The following SEPTIN9 variants were observed in gnomAD, a reference collection of about 807,000 sequenced individuals.
The protein encoded by SEPTIN9 is septin-9.
SEPTIN9 carries 13 observed loss-of-function variants against 56.6 expected under a neutral mutation model. That is an observed-to-expected ratio of 0.23 (90% confidence interval 0.15 to 0.37). SEPTIN9 has a LOEUF of 0.37. Ranked by LOEUF, SEPTIN9 falls within the 10% of genes least tolerant of loss-of-function variation. SEPTIN9 has a pLI of 1.00. For missense variants in SEPTIN9, 650 were observed against 823.1 expected (o/e 0.79, Z 2.57); for synonymous variants, 332 against 334.1 (o/e 0.99, Z 0.07).
intron 2 of SEPTIN9, among the ~76,000 whole-genome samples, chr17:77,361,672 G>A (rs2034421686): frequency 6.7e-6 from 1 of 148,386 alleles, no homozygotes; most frequent in African/African-American, 2.5e-5. Context: ...TCGCTCTTTC[G>A]CCCAGGCTGG....
At chr17:77,470,870 T>C (rs2038966628) in intron 3 of SEPTIN9, 2 of 152,284 alleles carry the variant, frequency 1.3e-5, no homozygotes, top group Admixed American at 6.5e-5. Context: ...TGCAGGATTC[T>C]GAGCAGCTCT....
intron 1 of SEPTIN9, among the ~76,000 whole-genome samples, chr17:77,283,874 C>T (rs894050720): frequency 6.6e-6 from 1 of 152,184 alleles, no homozygotes; most frequent in African/African-American, 2.4e-5. Context: ...AGATATAGTC[C>T]TTGCCTGCAG....
intron 3 of SEPTIN9, among the ~76,000 whole-genome samples, chr17:77,452,700 G>T (rs140054254): frequency 6.6e-6 from 1 of 151,942 alleles, no homozygotes; most frequent in Admixed American, 6.6e-5. Flanking sequence ...GCAGAAAAAG[G>T]CCCCATTCCC....
rs2037387986 is a variant in SEPTIN9 at position 77,437,583 on chromosome 17, T to TGGA, written c.721+34881_721+34882insGAG. ...AGGGACCAGGTGAGGGCTTGTCGAC[T>TGGA]GCTCTGACCTCCTGATGCTTCTGGT... On this transcript the variant is annotated intron_variant, in intron 3 of 11. Coordinates refer to ENST00000427177, the MANE Select transcript of SEPTIN9 (RefSeq NM_001113491.2). The surrounding 1 kb of genome is among the most constrained non-coding windows in gnomAD (Gnocchi z 5.3). Among the ~76,000 whole-genome samples the TGGA allele has an allele frequency of 6.6e-6, 1 of 152,010 alleles. No homozygotes were observed. Among genetic ancestry groups the TGGA allele is most frequent in the African/African-American group, 2.4e-5 (1 of 41,398 alleles).
intron 3 of SEPTIN9, among the ~76,000 whole-genome samples, chr17:77,461,053 C>G (rs771213024): frequency 1.3e-5 from 2 of 152,112 alleles, no homozygotes; most frequent in Non-Finnish European, 2.9e-5. Flanking sequence ...ACCTCTAATC[C>G]CAGCACTTTG....
intron 3 of SEPTIN9, among the ~76,000 whole-genome samples, chr17:77,462,636 C>T (rs2627224): frequency 1.3e-5 from 2 of 151,658 alleles, no homozygotes; most frequent in Non-Finnish European, 2.9e-5. Flanking sequence ...TTGTTTGTTG[C>T]TTGTTTTGAG....
At position 77,319,294 on chromosome 17, in the gene SEPTIN9, T is replaced by A. The variant is rs1399369402; in HGVS notation, c.76+12097T>A. 6.6e-6 allele frequency among the ~76,000 whole-genome samples: 1 copy of A among 152,194 alleles called. No individual in the cohort carries two copies. The stretch of plus-strand genomic sequence containing the variant: ...GGCCTCAGCATGGACCCTGACCATG[T>A]GCTGGTGGGGACCCCCCAGGTAAGT... On this transcript the variant is annotated intron_variant, in intron 2 of 11. Transcript: ENST00000427177. The surrounding 1 kb of genome is among the most constrained non-coding windows in gnomAD (Gnocchi z 5.3).
At chr17:77,464,205 A>T (rs1234874150) in intron 3 of SEPTIN9, among the ~76,000 whole-genome samples, 3 of 151,840 alleles carry the variant, frequency 2.0e-5, no homozygotes, top group Non-Finnish European at 4.4e-5. Context: ...TCCTGAGTTT[A>T]GCTGGGATTA....
intron 1 of SEPTIN9, among the ~76,000 whole-genome samples, chr17:77,283,282 A>T (rs1257174604): frequency 4.0e-5 from 6 of 151,470 alleles, no homozygotes; most frequent in Non-Finnish European, 8.8e-5. Context: ...GTGTTTACCT[A>T]AAGGGGCAGG....
intron 7 of SEPTIN9, 41 bp from the exon 8 acceptor site, chr17:77,490,701 C>T (rs1014836678): frequency 1.3e-5 from 19 of 1,476,444 alleles, no homozygotes; most frequent in Admixed American, 5.9e-5. Context: ...CCCACTGCCC[C>T]GCTCCCCCAG....
chr17:77,420,746 C>T (rs1010268376), intron 3 of SEPTIN9, among the ~76,000 whole-genome samples: 3 of 152,166 alleles, frequency 2.0e-5, no homozygotes, highest in Admixed American at 6.5e-5. Context: ...GTGAATGAGA[C>T]GACTTTCCTG....
At chr17:77,455,249 G>A (rs1309540871) in intron 3 of SEPTIN9, among the ~76,000 whole-genome samples, 4 of 152,146 alleles carry the variant, frequency 2.6e-5, no homozygotes, top group East Asian at 1.9e-4. Flanking sequence ...ACTCTGGGTC[G>A]GTCTCAGGGG....
At chr17:77,301,933 G>T (rs2032071394) in intron 1 of SEPTIN9, among the ~76,000 whole-genome samples, 1 of 152,194 alleles carries the variant, frequency 6.6e-6, no homozygotes, top group African/African-American at 2.4e-5. Flanking sequence ...TCCCTGCTCT[G>T]CCCAGGGGTT....
chr17:77,473,900 C>A (rs1443768864), intron 3 of SEPTIN9, among the ~76,000 whole-genome samples: 1 of 152,160 alleles, frequency 6.6e-6, no homozygotes, highest in Non-Finnish European at 1.5e-5. Flanking sequence ...TCATCGTCTA[C>A]CATTATTGTC....
In SEPTIN9 at chr17:77,402,489, C is replaced by G. The variant is rs759308898; in HGVS notation, c.507C>G (p.Ala169=). The stretch of plus-strand genomic sequence containing the variant: ...CCCACCGGAGGATGGAGCCCCCTGC[C>G]TCCAAGGTCCCCGAGGTGCCCACTG... ...ESAHRRMEPP[A]SKVPEVPTAP... The change falls in exon 3 of 12, where the codon GCC becomes GCG. Residue 169 remains alanine, a synonymous_variant. Coordinates refer to ENST00000427177, the MANE Select transcript of SEPTIN9 (RefSeq NM_001113491.2). The surrounding 1 kb of genome is among the most constrained non-coding windows in gnomAD (Gnocchi z 6.6). 5.0e-6 allele frequency: 8 copies of G among 1,605,774 alleles called. No individual in the cohort carries two copies. The highest frequency in any genetic ancestry group is 6.8e-6 in the Non-Finnish European group (8 of 1,176,600).
chr17:77,439,858 A>G (rs1232143117), intron 3 of SEPTIN9, among the ~76,000 whole-genome samples: 1 of 152,208 alleles, frequency 6.6e-6, no homozygotes, highest in Admixed American at 6.5e-5. Context: ...TTGGGGACTC[A>G]TTAAGAAGGG....
chr17:77,311,220 A>ACCCCCCCCCCCC (rs141106062), intron 2 of SEPTIN9, among the ~76,000 whole-genome samples: 3 of 117,426 alleles, frequency 2.6e-5, no homozygotes, highest in South Asian at 3.0e-4. Flanking sequence ...GCAAGGAAGG[A>ACCCCCCCCCCCC]CCCCCCCCCC....
At position 77,490,737 on chromosome 17, in the gene SEPTIN9, T is replaced by C; in HGVS notation, c.1263-5T>C. On this transcript the variant is annotated splice_region_variant and splice_polypyrimidine_tract_variant and intron_variant, in intron 7 of 11. Coordinates refer to ENST00000427177, the MANE Select transcript of SEPTIN9 (RefSeq NM_001113491.2). ...ATGAGCCTCACGCACATCCCTCTGC[T>C]TCAGCCTCAGGCCCCTGGACATCGA... The C allele has an allele frequency of 6.4e-7, 1 of 1,561,030 alleles. No individual in the cohort carries two copies. Among genetic ancestry groups the C allele is most frequent in the Non-Finnish European group, 8.7e-7 (1 of 1,151,590 alleles).
At chr17:77,409,313 G>A (rs1446303435) in intron 3 of SEPTIN9, among the ~76,000 whole-genome samples, 1 of 152,146 alleles carries the variant, frequency 6.6e-6, no homozygotes, top group East Asian at 1.9e-4. Flanking sequence ...GGATTGGCCA[G>A]GCCCGGTGTG....
Sources: gnomAD v4.1 joint callset for allele counts (sites outside exome capture counted in the v4.1 genomes callset) on GRCh38, gnomAD v4.1.1 for gene constraint, Gnocchi (gnomAD v3.1) non-coding constraint, MANE v1.5 for transcripts, NCBI Gene and HGNC (gene_info 2026-07-23, HGNC 2026-07-21) for gene names.